Variants in ERI1 observed in about 807,000 individuals in gnomAD.
The protein encoded by ERI1 is exoribonuclease 1.
ERI1 carries 39 observed loss-of-function variants against 39.7 expected under a neutral mutation model. That is an observed-to-expected ratio of 0.98 (90% CI 0.76 to 1.28). The LOEUF (loss-of-function observed/expected upper bound fraction) is 1.28. Ranked by LOEUF, ERI1 falls within the 50% of genes most tolerant of loss-of-function variation. ERI1 has a pLI of 0.00. For missense variants in ERI1, 581 were observed against 416.9 expected (o/e 1.39, Z -3.43); for synonymous variants, 204 against 149.6 (o/e 1.36, Z -2.65).
chr8:9,066,671 T>TA (rs1158525704), intron 3 of ERI1, among the ~76,000 whole-genome samples: 1 of 152,208 alleles, frequency 6.6e-6, no homozygotes, highest in East Asian at 1.9e-4. Context: ...GGAAGGGACA[T>TA]ACTTAACATT....
At chr8:9,097,715 A>G (rs1252227398) in intron 3 of ERI1, among the ~76,000 whole-genome samples, 1 of 151,984 alleles carries the variant, frequency 6.6e-6, no homozygotes, top group East Asian at 1.9e-4. Flanking sequence ...GGCAGTTAAG[A>G]GACTTTTTTA....
At chr8:9,056,330 T>G (rs766345154) in intron 3 of ERI1, among the ~76,000 whole-genome samples, 1 of 152,212 alleles carries the variant, frequency 6.6e-6, no homozygotes, top group Non-Finnish European at 1.5e-5. Context: ...CCTTTTCCCC[T>G]TATCTGTTGG....
rs545440230 is a variant in ERI1, at chr8:9,056,228, A to T, written n.299+35764A>T. Among the ~76,000 whole-genome samples the T allele has an allele frequency of 4.6e-5, 7 of 152,316 alleles. No individual in the cohort carries two copies. The South Asian group carries it at 1.4e-3, about 32-fold the overall frequency. On this transcript the variant is annotated intron_variant and non_coding_transcript_variant, in intron 3 of 3. Coordinates refer to the ERI1 transcript ENST00000518663. ...GAAGTGGAAGACACTGTCTCTGCGG[A>T]TTTGGGATCAGCTGGATGGGGCACT...
rs964385223 is a variant in ERI1 at position 9,020,111 on chromosome 8, A to G, written c.693-239A>G. ...CTGCCCAGAACCATGAAAACAATCAAGATGAGCCTAATAGGAATTAGTTTG... is the reference window on the plus strand; with the variant it reads ...CTGCCCAGAACCATGAAAACAATCAGGATGAGCCTAATAGGAATTAGTTTG... On this transcript the variant is annotated intron_variant, in intron 5 of 6. Transcript: ENST00000250263. Among the ~76,000 whole-genome samples the G allele has an allele frequency of 2.0e-4, 31 of 152,238 alleles. 2 individuals are homozygous for G. Among genetic ancestry groups the G allele is most frequent in the Admixed American group, 2.0e-3 (30 of 15,282 alleles).
chr8:9,018,373 G>A lies in ERI1; in HGVS notation c.659G>A (p.Gly220Glu). 2 of 1,607,210 alleles carry A rather than the reference G, an allele frequency of 1.2e-6. No individual in the cohort carries two copies. Among genetic ancestry groups the A allele is most frequent in the Non-Finnish European group, 1.7e-6 (2 of 1,173,942 alleles). Residue 220 changes from glycine (G) to glutamate (E), a missense_variant, in exon 5 of 7, where the codon GGA becomes GAA. Coordinates refer to ENST00000250263, the MANE Select transcript of ERI1 (RefSeq NM_153332.4). ...GACTGGATGAAATTGAAGGAATTAG[G>A]AACAAAGTATAAATACTCACTTTTA... ...VIDWMKLKELGTKYKYSLLTD... is the reference protein window; with the variant it reads ...VIDWMKLKELETKYKYSLLTD...
At position 9,003,185 on chromosome 8, in the gene ERI1, C is replaced by G. The variant is rs1222099638; in HGVS notation, c.108+14C>G. On this transcript the variant is annotated intron_variant, in intron 1 of 6. Transcript: ENST00000250263. ...CCCAGTCCCGAGGTGAGGAGTCGAC[C>G]CGCGCCTGGCTGTTGGCGCCAGCTG... 8.1e-7 allele frequency: 1 copy of G among 1,236,842 alleles called. No homozygotes were observed. The highest frequency in any genetic ancestry group is 1.0e-6 in the Non-Finnish European group (1 of 988,098). The allele number at this position is 1,236,842 out of a possible 1,614,324, so 76.6% of individuals were successfully genotyped here. A position where few individuals can be genotyped will look rare whatever the true frequency, so the allele number is the denominator to read the frequency against.
intron 3 of ERI1, among the ~76,000 whole-genome samples, chr8:9,069,718 T>A (rs1197123369): frequency 6.6e-6 from 1 of 152,040 alleles, no homozygotes; most frequent in African/African-American, 2.4e-5. Context: ...CCCCTGAATC[T>A]GGAATAAAAG....
At chr8:9,011,224 A>G (rs560691409) in intron 2 of ERI1, among the ~76,000 whole-genome samples, 1 of 152,296 alleles carries the variant, frequency 6.6e-6, no homozygotes, top group East Asian at 1.9e-4. Flanking sequence ...ATAAGGCAGT[A>G]TGACGACTGT....
chr8:9,059,502 G>C (rs1009307572), intron 3 of ERI1, among the ~76,000 whole-genome samples: 14 of 152,008 alleles, frequency 9.2e-5, no homozygotes, highest in African/African-American at 3.4e-4. Flanking sequence ...TTGTGGAAAG[G>C]GGTGATATTG....
In ERI1 at chr8:9,031,633, G is replaced by A. The variant is rs190342621; in HGVS notation, c.*1599G>A. The A allele has an allele frequency of 2.6e-5, 4 of 152,254 alleles. No homozygotes were observed. In the East Asian group the frequency reaches 5.8e-4, roughly 22 times the overall value. The allele number at this position is 152,254 out of a possible 1,614,324, so 9.4% of individuals were successfully genotyped here. A position where few individuals can be genotyped will look rare whatever the true frequency, so the allele number is the denominator to read the frequency against. On this transcript the variant is annotated 3_prime_UTR_variant, in exon 7 of 7. Transcript: ENST00000250263. ...TCTGATGATGACGAGGAAATATTAC[G>A]TTTCCAGTTTTTTTAGCTCTATCTG...
At chr8:9,055,522 T>C (rs1454328698) in intron 3 of ERI1, among the ~76,000 whole-genome samples, 1 of 152,204 alleles carries the variant, frequency 6.6e-6, no homozygotes, top group Non-Finnish European at 1.5e-5. Flanking sequence ...TCTTTATTTA[T>C]GGCCGGCTGA....
chr8:9,004,441 A>G, intron 1 of ERI1: 1 of 230,418 alleles, frequency 4.3e-6, no homozygotes, highest in South Asian at 6.7e-5. Context: ...TAGTGACGGT[A>G]GTAATTGTTA....
intron 3 of ERI1, among the ~76,000 whole-genome samples, chr8:9,041,310 C>T (rs1226057794): frequency 6.6e-6 from 1 of 152,090 alleles, no homozygotes; most frequent in African/African-American, 2.4e-5. Flanking sequence ...CTTGTATTCT[C>T]CCAAGAGAGA....
At position 9,005,170 on chromosome 8, in the gene ERI1, A is replaced by C. The variant is rs58957416; in HGVS notation, c.108+1999A>C. Among the ~76,000 whole-genome samples the C allele has an allele frequency of 5.3e-3, 811 of 152,258 alleles. 5 individuals are homozygous for C. Among genetic ancestry groups the C allele is most frequent in the African/African-American group, 0.018 (744 of 41,546 alleles). On this transcript the variant is annotated intron_variant, in intron 1 of 6. Transcript: ENST00000250263. ...TTTGGAAGAACGTCAATCAAGAAAA[A>C]TTCTAAGTTTTTTTTCAGTGTGCAG...
chr8:9,047,966 C>A (rs1798229683), intron 3 of ERI1, among the ~76,000 whole-genome samples: 1 of 152,210 alleles, frequency 6.6e-6, no homozygotes, highest in South Asian at 2.1e-4. Context: ...GTTATTATGT[C>A]CATAGCACAG....
At chr8:9,011,003 A>G (rs1816610631) in intron 2 of ERI1, among the ~76,000 whole-genome samples, 1 of 152,222 alleles carries the variant, frequency 6.6e-6, no homozygotes, top group South Asian at 2.1e-4. Flanking sequence ...AGTAGCCAAC[A>G]GACATTCACC....
downstream of ERI1, among the ~76,000 whole-genome samples, chr8:9,037,619 A>T (rs958219944): frequency 6.6e-6 from 1 of 152,082 alleles, no homozygotes; most frequent in Non-Finnish European, 1.5e-5. Context: ...TGATGGTAAA[A>T]TGTATCTTGT....
chr8:9,064,774 C>T (rs1199693382), intron 3 of ERI1, among the ~76,000 whole-genome samples: 1 of 152,108 alleles, frequency 6.6e-6, no homozygotes, highest in Non-Finnish European at 1.5e-5. Flanking sequence ...GTCCCTTGAT[C>T]CGAGTCATGG....
At chr8:9,082,500 A>G (rs745965050) in intron 3 of ERI1, among the ~76,000 whole-genome samples, 3 of 152,194 alleles carry the variant, frequency 2.0e-5, no homozygotes, top group South Asian at 2.1e-4. Flanking sequence ...GCATGAAATC[A>G]TTCTTCCTTT....
Sources: gnomAD v4.1 joint callset for allele counts (sites outside exome capture counted in the v4.1 genomes callset) on GRCh38, gnomAD v4.1.1 for gene constraint, MANE v1.5 for transcripts, NCBI Gene and HGNC (gene_info 2026-07-23, HGNC 2026-07-21) for gene names.